DLL4: variants seen among roughly 807,000 people sequenced by gnomAD.
DLL4 encodes the protein delta-like protein 4.
DLL4 carries 7 observed loss-of-function variants against 73.6 expected under a neutral mutation model. That is an observed-to-expected ratio of 0.10 (90% CI 0.05 to 0.18). DLL4 has a LOEUF of 0.18. DLL4 is among the 10% of genes least tolerant of loss of function. DLL4 has a pLI of 1.00. For missense variants in DLL4, 614 were observed against 929.9 expected (o/e 0.66, Z 4.42); for synonymous variants, 345 against 374.3 (o/e 0.92, Z 0.90).
At chr15:40,937,649 T>C (rs1892864198) in intron 10 of DLL4, 123 bp downstream of exon 10, 1 of 766,138 alleles carries the variant, frequency 1.3e-6, no homozygotes, top group African/African-American at 1.7e-5. Flanking sequence ...CCAAGTTCAG[T>C]GGACTCTTGG....
chr15:40,932,536 C>T (rs1172640365), intron 6 of DLL4, 89 bp downstream of exon 6: 2 of 1,519,410 alleles, frequency 1.3e-6, no homozygotes, highest in East Asian at 2.4e-5. Context: ...ATCCTTCTTA[C>T]TTGGTGACTG....
chr15:40,936,974 C>A, intron 9 of DLL4, 44 bp downstream of exon 9: 1 of 1,485,052 alleles, frequency 6.7e-7, no homozygotes. Flanking sequence ...CCGGCCCCGA[C>A]ATGGTTCTGC....
Position 40,930,633 on chromosome 15 carries a change from C to T in DLL4, c.345C>T (p.Phe115=). The change falls in exon 3 of 11, where the codon TTC becomes TTT. Residue 115 remains phenylalanine, a synonymous_variant. Coordinates refer to ENST00000249749, the MANE Select transcript of DLL4 (RefSeq NM_019074.4). The surrounding 1 kb of genome is among the most constrained non-coding windows in gnomAD (Gnocchi z 5.7). The part of the protein sequence containing the change: ...LPFNFTWPGT[F]SLIIEAWHAP... The stretch of plus-strand genomic sequence containing the variant: ...CCCACCCCCTTTCCCAGGGTACCTT[C>T]TCGCTCATCATCGAAGCTTGGCACG... The T allele has an allele frequency of 6.2e-7, 1 of 1,613,878 alleles. No homozygotes were observed. Among genetic ancestry groups the T allele is most frequent in the Non-Finnish European group, 8.5e-7 (1 of 1,179,876 alleles).
chr15:40,936,648 A>C lies in DLL4; in HGVS notation c.1661A>C (p.Gln554Pro). ...GGCATGGTGGCAGTGGCTGTGCGGC[A>C]GCTGCGGCTTCGACGGCCGGACGAC... Reference protein sequence around the residue: ...LLGMVAVAVRQLRLRRPDDGS... With the variant: ...LLGMVAVAVRPLRLRRPDDGS... The change falls in exon 9 of 11, where the codon CAG (glutamine) becomes CCG (proline). Residue 554 changes from glutamine (Q) to proline (P), a missense_variant. Transcript: ENST00000249749. The C allele has an allele frequency of 6.2e-7, 1 of 1,611,620 alleles. No homozygotes were observed.
rs34268812 is a variant in DLL4, at chr15:40,938,933, GTT to G, written c.*915_*916del. On this transcript the variant is annotated 3_prime_UTR_variant, in exon 11 of 11. Transcript: ENST00000249749. Reference sequence around the variant, plus strand: ...AATCAATAATATGAGTTTTTATTTTGTTTTTTTTTTTTTTTTTGTAGTTTATT... The same window carrying G: ...AATCAATAATATGAGTTTTTATTTTGTTTTTTTTTTTTTTTGTAGTTTATT... 0.17 allele frequency: 22,014 copies of G among 127,926 alleles called. 1,641 individuals are homozygous for G. Among genetic ancestry groups the G allele is most frequent in the South Asian group, 0.33 (1,390 of 4,248 alleles). The allele number at this position is 127,926 out of a possible 1,614,324, so 7.9% of individuals were successfully genotyped here.
Position 40,929,521 on chromosome 15 carries a change from G to A in DLL4, c.-148G>A, listed in dbSNP as rs543627879. On this transcript the variant is annotated 5_prime_UTR_variant, in exon 1 of 11. Transcript: ENST00000249749. This position sits in a 1 kb window ranked among gnomAD's most constrained non-coding sequence, Gnocchi z 7.1. The stretch of plus-strand genomic sequence containing the variant: ...ATTACCTACAGCGGCAGCTGCAGCG[G>A]AGCCAGCGAGAAGGCCAAAGGGGAG... 6.4e-4 allele frequency: 469 copies of A among 730,308 alleles called. No individual in the cohort carries two copies. Among genetic ancestry groups the A allele is most frequent in the Non-Finnish European group, 8.7e-4 (406 of 465,930 alleles). 45.2% of individuals were successfully genotyped at this position (730,308 alleles called of 1,614,324 possible). A position where few individuals can be genotyped will look rare whatever the true frequency, so the allele number is the denominator to read the frequency against.
At chr15:40,938,007 C>T in intron 10 of DLL4, 22 bp from the exon 11 acceptor site, 1 of 1,603,010 alleles carries the variant, frequency 6.2e-7, no homozygotes, top group Non-Finnish European at 8.5e-7. Context: ...AACCTGTTTC[C>T]CTGCCTTCCG....
At position 40,929,750 on chromosome 15, in the gene DLL4, C is replaced by A; in HGVS notation, c.66+16C>A. On this transcript the variant is annotated intron_variant, in intron 1 of 10. Transcript: ENST00000249749. The surrounding 1 kb of genome is among the most constrained non-coding windows in gnomAD (Gnocchi z 7.1). ...TTGGCAGCAGGTAACACGTCCCGCGCCCTCTCCGTCCCCTCTGCCGCGCTC... is the reference window on the plus strand; with the variant it reads ...TTGGCAGCAGGTAACACGTCCCGCGACCTCTCCGTCCCCTCTGCCGCGCTC... The A allele has an allele frequency of 6.3e-7, 1 of 1,599,480 alleles. No homozygotes were observed. Among genetic ancestry groups the A allele is most frequent in the Non-Finnish European group, 8.5e-7 (1 of 1,176,538 alleles).
intron 8 of DLL4, among the ~76,000 whole-genome samples, chr15:40,936,005 A>G (rs1376022712): frequency 6.6e-6 from 1 of 152,206 alleles, no homozygotes; most frequent in East Asian, 1.9e-4. Flanking sequence ...TCTACGTTAA[A>G]GTTCTGTAAG....
chr15:40,930,495 C>G lies in DLL4; in HGVS notation c.337-130C>G, dbSNP rs1316419842. 5.1e-6 allele frequency: 4 copies of G among 789,406 alleles called. No homozygotes were observed. Among genetic ancestry groups the G allele is most frequent in the Non-Finnish European group, 8.6e-6 (4 of 463,544 alleles). The allele number at this position is 789,406 out of a possible 1,614,324, so 48.9% of individuals were successfully genotyped here. On this transcript the variant is annotated intron_variant, in intron 2 of 10. Coordinates refer to ENST00000249749, the MANE Select transcript of DLL4 (RefSeq NM_019074.4). The surrounding 1 kb of genome is among the most constrained non-coding windows in gnomAD (Gnocchi z 5.7). The stretch of plus-strand genomic sequence containing the variant: ...TCAAGCGCTACACTGTGCACAGCCC[C>G]GTTATGTTGACCCGGGCGCAGTAAC...
rs980802078 is a variant in DLL4, at chr15:40,930,556, G to T, written c.337-69G>T. 1.5e-6 allele frequency: 2 copies of T among 1,306,836 alleles called. No individual in the cohort carries two copies. Among genetic ancestry groups the T allele is most frequent in the Non-Finnish European group, 2.2e-6 (2 of 909,418 alleles). 81.0% of individuals were successfully genotyped at this position (1,306,836 alleles called of 1,614,324 possible). A position where few individuals can be genotyped will look rare whatever the true frequency, so the allele number is the denominator to read the frequency against. ...AATTAGATTAATTAAACAGGCTGCCGCAAGGCACCCCCACCTCTCCCCGCT... is the reference window on the plus strand; with the variant it reads ...AATTAGATTAATTAAACAGGCTGCCTCAAGGCACCCCCACCTCTCCCCGCT... On this transcript the variant is annotated intron_variant, in intron 2 of 10. Transcript: ENST00000249749. This position sits in a 1 kb window ranked among gnomAD's most constrained non-coding sequence, Gnocchi z 5.7.
rs2140368122 is a variant in DLL4, at chr15:40,929,438, C to T, written c.-231C>T. ...ACCGGCACTAGCCCGCTTGCAGCCC[C>T]AGGATTAGACAGAAGACGCGTCCTC... On this transcript the variant is annotated 5_prime_UTR_variant, in exon 1 of 11. Transcript: ENST00000249749. This position sits in a 1 kb window ranked among gnomAD's most constrained non-coding sequence, Gnocchi z 7.1. The T allele has an allele frequency of 3.8e-6, 2 of 524,888 alleles. No individual in the cohort carries two copies. Among genetic ancestry groups the T allele is most frequent in the Admixed American group, 7.4e-5 (2 of 26,846 alleles). 32.5% of individuals were successfully genotyped at this position (524,888 alleles called of 1,614,324 possible).
At position 40,938,311 on chromosome 15, in the gene DLL4, G is replaced by A; in HGVS notation, c.*277G>A. 2.8e-6 allele frequency: 1 copy of A among 351,512 alleles called. No homozygotes were observed. Among genetic ancestry groups the A allele is most frequent in the Non-Finnish European group, 5.1e-6 (1 of 196,036 alleles). 21.8% of individuals were successfully genotyped at this position (351,512 alleles called of 1,614,324 possible). The stretch of plus-strand genomic sequence containing the variant: ...ACTGGGCACTGCCCTGCCAGTAGTG[G>A]CCTTCAGGGGGCTCCTTCCGGGGCT... On this transcript the variant is annotated 3_prime_UTR_variant, in exon 11 of 11. Transcript: ENST00000249749.
Position 40,936,304 on chromosome 15 carries a change from C to G in DLL4, c.1317C>G (p.Leu439=), listed in dbSNP as rs1202504602. 3 of 1,609,254 alleles carry G rather than the reference C, an allele frequency of 1.9e-6. No homozygotes were observed. The highest frequency in any genetic ancestry group is 2.5e-6 in the Non-Finnish European group (3 of 1,178,342). Residue 439 remains leucine, a synonymous_variant, in exon 9 of 11, where the codon CTC becomes CTG. Transcript: ENST00000249749. ...GATTCACGGGCACCTACTGTGAACTCCACGTCAGCGACTGTGCCCGTAACC... is the reference window on the plus strand; with the variant it reads ...GATTCACGGGCACCTACTGTGAACTGCACGTCAGCGACTGTGCCCGTAACC... ...RPGFTGTYCE[L]HVSDCARNPC...
rs1046516021 is a variant in DLL4 at position 40,930,829 on chromosome 15, G to A, written c.394+147G>A. The A allele has an allele frequency of 2.5e-6, 2 of 788,898 alleles. No homozygotes were observed. Among genetic ancestry groups the A allele is most frequent in the Admixed American group, 2.6e-5 (1 of 38,128 alleles). 48.9% of individuals were successfully genotyped at this position (788,898 alleles called of 1,614,324 possible). A position where few individuals can be genotyped will look rare whatever the true frequency, so the allele number is the denominator to read the frequency against. On this transcript the variant is annotated intron_variant, in intron 3 of 10. Transcript: ENST00000249749. This position sits in a 1 kb window ranked among gnomAD's most constrained non-coding sequence, Gnocchi z 5.7. ...GAGCTGCGCCCCGCGCTGGACGCTC[G>A]GATTCCGCTCGCTGCCTGGACTCAG...
intron 6 of DLL4, among the ~76,000 whole-genome samples, chr15:40,934,206 A>T (rs917783121): frequency 5.3e-5 from 8 of 151,678 alleles, no homozygotes; most frequent in African/African-American, 1.7e-4. Flanking sequence ...CATGCCTGTA[A>T]TCCCAGCTAC....
rs2140371634 is a variant in DLL4, at chr15:40,936,610, G to A, written c.1623G>A (p.Leu541=). ...CGCTGGGTGTGGGGCTGGCAGTGCT[G>A]CTGGTACTGCTGGGCATGGTGGCAG... ...AVSLGVGLAV[L]LVLLGMVAVA... The change falls in exon 9 of 11, where the codon CTG becomes CTA. Residue 541 remains leucine, a synonymous_variant. Coordinates refer to ENST00000249749, the MANE Select transcript of DLL4 (RefSeq NM_019074.4). The A allele has an allele frequency of 5.6e-6, 9 of 1,610,256 alleles. No homozygotes were observed. Among genetic ancestry groups the A allele is most frequent in the Middle Eastern group, 1.7e-4 (1 of 6,056 alleles).
chr15:40,934,876 C>T (rs1892820624), intron 7 of DLL4, 22 bp from the exon 8 acceptor site: 1 of 1,609,050 alleles, frequency 6.2e-7, no homozygotes, highest in Non-Finnish European at 8.5e-7. Flanking sequence ...CTGACTTTGG[C>T]CCCTTTATGG....
At position 40,937,435 on chromosome 15, in the gene DLL4, G is replaced by C. The variant is rs762115737; in HGVS notation, c.1961G>C (p.Arg654Pro). The change falls in exon 10 of 11, where the codon CGG becomes CCG. Residue 654 changes from arginine to proline, a missense_variant. This residue lies in a region of DLL4 where 386 missense variants were observed against 541.3 expected (regional missense o/e 0.71). Transcript: ENST00000249749. Reference sequence around the variant, plus strand: ...TCCCTCAGTGAAAAGCCAGAGTGTCGGATATCAGCGATATGCTCCCCCAGG... The same window carrying C: ...TCCCTCAGTGAAAAGCCAGAGTGTCCGATATCAGCGATATGCTCCCCCAGG... The part of the protein sequence containing the change: ...LRLHSEKPEC[R>P]ISAICSPRDS... The C allele has an allele frequency of 3.1e-6, 5 of 1,613,204 alleles. No individual in the cohort carries two copies. Among genetic ancestry groups the C allele is most frequent in the Non-Finnish European group, 4.2e-6 (5 of 1,179,316 alleles).
Sources: allele counts gnomAD v4.1 joint callset (sites outside exome capture counted in the v4.1 genomes callset), GRCh38; gene constraint gnomAD v4.1.1; regional missense constraint gnomAD v4.1.1; non-coding constraint Gnocchi (gnomAD v3.1); transcripts MANE v1.5; gene names NCBI Gene and HGNC (gene_info 2026-07-23, HGNC 2026-07-21).